ASTN2: variants seen among roughly 807,000 people sequenced by gnomAD.
The protein encoded by ASTN2 is astrotactin-2.
A neutral mutation model predicts 139.8 loss-of-function variants in ASTN2; 54 were observed. The ratio of observed to expected loss-of-function variants is 0.39; its 90% CI spans 0.31 to 0.48. The LOEUF (loss-of-function observed/expected upper bound fraction) is 0.48, where lower values mean the gene tolerates loss of function less well. Among genes scored for constraint, ASTN2 ranks in the 20% least tolerant of loss-of-function variants. The pLI, the probability that ASTN2 is intolerant of heterozygous loss-of-function variation, is 0.95. For synonymous variants in ASTN2, 756 were observed against 719.5 expected (o/e 1.05, Z -0.81); for missense variants, 1,565 against 1,725.1 (o/e 0.91, Z 1.64).
At chr9:116,819,203 A>T (rs935088134) in intron 12 of ASTN2, among the ~76,000 whole-genome samples, 1 of 152,184 alleles carries the variant, frequency 6.6e-6, no homozygotes, top group African/African-American at 2.4e-5. Flanking sequence ...TTTACCACAG[A>T]AGAACAGCCC....
intron 17 of ASTN2, 42 bp from the exon 18 acceptor site, chr9:116,620,485 G>C: frequency 6.2e-7 from 1 of 1,612,566 alleles, no homozygotes; most frequent in Non-Finnish European, 8.5e-7. Flanking sequence ...GATGACAACA[G>C]GGGAGAGATT....
intron 3 of ASTN2, chr9:117,180,512 T>G (rs1168760158): frequency 3.2e-6 from 2 of 617,076 alleles, no homozygotes; most frequent in African/African-American, 3.7e-5. Context: ...GAATGCCATT[T>G]CCTCTGTGAT....
At position 116,703,745 on chromosome 9, in the gene ASTN2, G is replaced by A. The variant is rs544525866; in HGVS notation, c.2806+22026C>T. 5.4e-5 allele frequency among the ~76,000 whole-genome samples: 8 copies of A among 147,764 alleles called. No homozygotes were observed. The East Asian group carries it at 1.6e-3, about 29-fold the overall frequency. On this transcript the variant is annotated intron_variant, in intron 16 of 22. Coordinates refer to ENST00000313400, the MANE Select transcript of ASTN2 (RefSeq NM_001365068.1). Reference sequence around the variant, plus strand: ...GTATAATAATAAAAAAAAAAAAAGTGCAGTGTTACTCTACTCTGTAGGAGG... The same window carrying A: ...GTATAATAATAAAAAAAAAAAAAGTACAGTGTTACTCTACTCTGTAGGAGG...
intron 4 of ASTN2, among the ~76,000 whole-genome samples, chr9:117,102,626 G>A (rs569301361): frequency 2.2e-4 from 33 of 152,246 alleles, no homozygotes; most frequent in South Asian, 1.2e-3. Flanking sequence ...GGGTTCAAGC[G>A]ATTCTCCTGC....
chr9:117,218,317 G>T (rs893220227), intron 2 of ASTN2, among the ~76,000 whole-genome samples: 1 of 152,184 alleles, frequency 6.6e-6, no homozygotes. Context: ...TAGGGCACAG[G>T]TTCATTGTCC....
intron 11 of ASTN2, among the ~76,000 whole-genome samples, chr9:116,828,343 C>A (rs1831703634): frequency 6.6e-6 from 1 of 150,618 alleles, no homozygotes. Context: ...TCCAACAGCA[C>A]ATCAGAAAGA....
chr9:117,350,417 G>T (rs543686517), intron 1 of ASTN2, among the ~76,000 whole-genome samples: 5 of 152,000 alleles, frequency 3.3e-5, no homozygotes, highest in Admixed American at 2.0e-4. Flanking sequence ...AAGCGTGGTC[G>T]TGGGCACCTG....
chr9:116,484,566 G>A (rs927203788), intron 20 of ASTN2, among the ~76,000 whole-genome samples: 1 of 152,146 alleles, frequency 6.6e-6, no homozygotes, highest in African/African-American at 2.4e-5. Context: ...GACCGAGCTG[G>A]TCAGACTCCA....
At chr9:117,149,451 G>A (rs1379529371) in intron 3 of ASTN2, among the ~76,000 whole-genome samples, 7 of 152,080 alleles carry the variant, frequency 4.6e-5, no homozygotes, top group Non-Finnish European at 4.4e-5. Context: ...GTGTGTGTAT[G>A]TGTTCATGTC....
intron 10 of ASTN2, among the ~76,000 whole-genome samples, chr9:116,934,715 C>T (rs900850293): frequency 2.0e-5 from 3 of 152,144 alleles, no homozygotes; most frequent in Admixed American, 6.5e-5. Flanking sequence ...CCCTCCATGA[C>T]ATAGTTTACC....
chr9:117,267,184 G>A (rs1286230112), intron 2 of ASTN2, among the ~76,000 whole-genome samples: 4 of 152,158 alleles, frequency 2.6e-5, no homozygotes. Context: ...CCCATATGGA[G>A]GGACATCCTA....
intron 13 of ASTN2, among the ~76,000 whole-genome samples, chr9:116,787,794 A>T (rs748289098): frequency 6.6e-6 from 1 of 152,166 alleles, no homozygotes; most frequent in Non-Finnish European, 1.5e-5. Flanking sequence ...CTGTATCAGA[A>T]AAAGGACATC....
chr9:117,221,736 T>C (rs1184019062), intron 2 of ASTN2, among the ~76,000 whole-genome samples: 1 of 151,830 alleles, frequency 6.6e-6, no homozygotes, highest in Non-Finnish European at 1.5e-5. Context: ...ACAGATCTAG[T>C]GGGGAAGGGG....
At chr9:117,124,086 C>T (rs567808272) in intron 4 of ASTN2, among the ~76,000 whole-genome samples, 14 of 152,210 alleles carry the variant, frequency 9.2e-5, no homozygotes, top group South Asian at 6.2e-4. Flanking sequence ...GGATTAGCCA[C>T]GCCCCCTTCT....
intron 2 of ASTN2, among the ~76,000 whole-genome samples, chr9:117,275,290 A>T (rs976839754): frequency 2.6e-5 from 4 of 151,958 alleles, no homozygotes. Flanking sequence ...ATTTTTAGGA[A>T]TTTTTTTTAC....
intron 11 of ASTN2, among the ~76,000 whole-genome samples, chr9:116,822,839 G>A (rs936092652): frequency 3.3e-5 from 5 of 152,164 alleles, no homozygotes; most frequent in African/African-American, 1.2e-4. Context: ...CTATGGTAAA[G>A]GTTATGCAGA....
intron 7 of ASTN2, among the ~76,000 whole-genome samples, chr9:116,978,961 G>A (rs1486693674): frequency 5.3e-5 from 8 of 152,196 alleles, no homozygotes; most frequent in Non-Finnish European, 8.8e-5. Flanking sequence ...AGGGTAACAC[G>A]GGTTCTACAA....
intron 10 of ASTN2, among the ~76,000 whole-genome samples, chr9:116,893,159 TCACACACACA>T (rs56263614): frequency 7.1e-4 from 106 of 149,342 alleles, no homozygotes; most frequent in Non-Finnish European, 1.2e-3. Context: ...TAAAGGTGTA[TCACACACACA>T]CACACACACA....
In ASTN2 at chr9:117,227,423, T is replaced by G. The variant is rs572943666; in HGVS notation, c.631-12681A>C. On this transcript the variant is annotated intron_variant, in intron 2 of 22. Transcript: ENST00000313400. ...AGAACAGCACTTAGTGTTTTGTCAA[T>G]GCTTAGTAATTCTTTTTGGAGTGTA... Among the ~76,000 whole-genome samples, 5 of 152,322 alleles carry G rather than the reference T, an allele frequency of 3.3e-5. No homozygotes were observed. The South Asian group carries it at 1.0e-3, about 32-fold the overall frequency.
Sources: gnomAD v4.1 joint callset for allele counts (sites outside exome capture counted in the v4.1 genomes callset) on GRCh38, gnomAD v4.1.1 for gene constraint, MANE v1.5 for transcripts, NCBI Gene and HGNC (gene_info 2026-07-23, HGNC 2026-07-21) for gene names.